MBOAT1: variants seen among roughly 807,000 people sequenced by gnomAD.
MBOAT1 encodes membrane-bound glycerophospholipid O-acyltransferase 1.
MBOAT1 carries 67 observed loss-of-function variants against 64.4 expected under a neutral mutation model. The observed-to-expected ratio is 1.04, with a 90% confidence interval of 0.85 to 1.27. The LOEUF is 1.27. MBOAT1 is among the 50% of genes most tolerant of loss of function. The pLI is 0.00. For synonymous variants in MBOAT1, 229 were observed against 218.9 expected (o/e 1.05, Z -0.41); for missense variants, 563 against 604.6 (o/e 0.93, Z 0.72).
chr6:20,156,826 G>A (rs539235982), intron 1 of MBOAT1, among the ~76,000 whole-genome samples: 1 of 152,244 alleles, frequency 6.6e-6, no homozygotes, highest in East Asian at 1.9e-4. Flanking sequence ...TCAGCTTAAG[G>A]AGATTTTGGG....
chr6:20,178,267 C>T (rs1198237786), intron 1 of MBOAT1, among the ~76,000 whole-genome samples: 1 of 152,130 alleles, frequency 6.6e-6, no homozygotes, highest in Admixed American at 6.6e-5. Context: ...TAAATTGGAC[C>T]ATTCCAAGTA....
intron 8 of MBOAT1, among the ~76,000 whole-genome samples, chr6:20,122,150 A>G (rs1760510474): frequency 6.6e-6 from 1 of 152,150 alleles, no homozygotes; most frequent in African/African-American, 2.4e-5. Context: ...GGGTGACAAG[A>G]GCGAAACTCC....
intron 1 of MBOAT1, among the ~76,000 whole-genome samples, chr6:20,181,681 C>T (rs1762514431): frequency 1.3e-5 from 2 of 152,302 alleles, no homozygotes; most frequent in South Asian, 4.1e-4. Context: ...GCCTCGGTGC[C>T]CACGCGTGTG....
At chr6:20,103,273 T>G (rs1358541658) in intron 12 of MBOAT1, among the ~76,000 whole-genome samples, 1 of 152,168 alleles carries the variant, frequency 6.6e-6, no homozygotes, top group Non-Finnish European at 1.5e-5. Context: ...TGATCTTGTG[T>G]AGCCTAGGCT....
chr6:20,149,125 C>T, intron 3 of MBOAT1, among the ~76,000 whole-genome samples: 1 of 142,236 alleles, frequency 7.0e-6, no homozygotes, highest in South Asian at 2.3e-4. Flanking sequence ...AAAAACCAAA[C>T]AAAAAAAGGA....
At chr6:20,106,031 A>G (rs1322191301) in intron 12 of MBOAT1, among the ~76,000 whole-genome samples, 1 of 152,222 alleles carries the variant, frequency 6.6e-6, no homozygotes, top group Non-Finnish European at 1.5e-5. Context: ...ACGAAGTACA[A>G]GTGAAATTTC....
intron 1 of MBOAT1, among the ~76,000 whole-genome samples, chr6:20,160,156 T>A (rs1379118802): frequency 1.3e-5 from 2 of 152,168 alleles, no homozygotes; most frequent in African/African-American, 2.4e-5. Flanking sequence ...CAAACCACAA[T>A]CAAACTGTGC....
chr6:20,102,326 G>A lies in MBOAT1; in HGVS notation c.1448C>T (p.Pro483Leu), dbSNP rs1302009901. The change falls in exon 13 of 13, where the codon CCT becomes CTT. Residue 483 changes from proline to leucine, a missense_variant. By Grantham distance (98) the Pro-to-Leu change is moderately conservative (BLOSUM62 -3). Transcript: ENST00000324607. ...MKPQAHTQRRPQTLNSINKRK... is the reference protein window; with the variant it reads ...MKPQAHTQRRLQTLNSINKRK... ...CTTATTAATAGAGTTCAGAGTCTGA[G>A]GCCGCCTTTGCGTATGAGCTTGTGG... 1 of 1,614,044 alleles carries A rather than the reference G, an allele frequency of 6.2e-7. No homozygotes were observed. Among genetic ancestry groups the A allele is most frequent in the East Asian group, 2.2e-5 (1 of 44,866 alleles).
Position 20,212,386 on chromosome 6 carries a change from C to A in MBOAT1, c.-152G>T. 1 of 667,458 alleles carries A rather than the reference C, an allele frequency of 1.5e-6. No homozygotes were observed. The highest frequency in any genetic ancestry group is 2.9e-5 in the Admixed American group (1 of 34,404). The allele number at this position is 667,458 out of a possible 1,614,324, so 41.3% of individuals were successfully genotyped here. A position where few individuals can be genotyped will look rare whatever the true frequency, so the allele number is the denominator to read the frequency against. On this transcript the variant is annotated 5_prime_UTR_variant, in exon 1 of 13. Transcript: ENST00000324607. ...GAACGGGAGGCCGGGGAATGCGAAC[C>A]GGCGCAAACTCTCGAGGCGCAAACT... is the stretch of plus-strand genomic sequence containing the variant.
At chr6:20,140,508 T>C (rs760259698) in intron 4 of MBOAT1, among the ~76,000 whole-genome samples, 63 of 152,182 alleles carry the variant, frequency 4.1e-4, no homozygotes, top group Non-Finnish European at 7.6e-4. Flanking sequence ...AAGACGATCA[T>C]CCAATCCTTA....
intron 1 of MBOAT1, 53 bp downstream of exon 1, chr6:20,212,083 G>A (rs2113784552): frequency 6.5e-7 from 1 of 1,544,732 alleles, no homozygotes. Context: ...CGCCCGCCCC[G>A]TGCACGCGAT....
intron 4 of MBOAT1, among the ~76,000 whole-genome samples, chr6:20,134,384 A>G (rs999158497): frequency 2.0e-5 from 3 of 152,204 alleles, no homozygotes; most frequent in Non-Finnish European, 2.9e-5. Flanking sequence ...TTATAGAAAA[A>G]AAAAAATAGA....
At chr6:20,170,008 T>C (rs1483788561) in intron 1 of MBOAT1, among the ~76,000 whole-genome samples, 1 of 152,170 alleles carries the variant, frequency 6.6e-6, no homozygotes, top group African/African-American at 2.4e-5. Flanking sequence ...CCTCTGACAC[T>C]GCACATTACT....
intron 7 of MBOAT1, among the ~76,000 whole-genome samples, chr6:20,124,825 A>G (rs1472154509): frequency 6.6e-6 from 1 of 152,234 alleles, no homozygotes; most frequent in Non-Finnish European, 1.5e-5. Context: ...GGTTGAATGT[A>G]TCTAGACTGG....
intron 11 of MBOAT1, among the ~76,000 whole-genome samples, 153 bp from the exon 12 acceptor site, chr6:20,109,902 CT>C (rs1158455991): frequency 0.079 from 7,392 of 93,002 alleles, 70 homozygotes; most frequent in East Asian, 0.12. Context: ...ACCATCAGGA[CT>C]TTTTTTTTTT....
chr6:20,136,806 T>A (rs1057174160), intron 4 of MBOAT1, among the ~76,000 whole-genome samples: 1 of 152,250 alleles, frequency 6.6e-6, no homozygotes, highest in Non-Finnish European at 1.5e-5. Context: ...TATAGTAATA[T>A]AAAAGAGTAG....
intron 1 of MBOAT1, among the ~76,000 whole-genome samples, chr6:20,195,287 A>C (rs1159244760): frequency 1.3e-5 from 2 of 152,026 alleles, no homozygotes; most frequent in African/African-American, 4.8e-5. Context: ...TCCATAATCG[A>C]ATGCTTTTTT....
At chr6:20,208,185 T>C (rs1312663239) in intron 1 of MBOAT1, among the ~76,000 whole-genome samples, 4 of 152,022 alleles carry the variant, frequency 2.6e-5, no homozygotes, top group Non-Finnish European at 4.4e-5. Flanking sequence ...TGGTGGCTCA[T>C]GCCTGTAATC....
intron 3 of MBOAT1, among the ~76,000 whole-genome samples, chr6:20,145,998 A>G (rs1761315082): frequency 6.6e-6 from 1 of 152,200 alleles, no homozygotes; most frequent in South Asian, 2.1e-4. Context: ...TTATTTGTGT[A>G]TGTGTCTGTT....
Sources: gnomAD v4.1 joint callset for allele counts (sites outside exome capture counted in the v4.1 genomes callset) on GRCh38, gnomAD v4.1.1 for gene constraint, MANE v1.5 for transcripts, NCBI Gene and HGNC (gene_info 2026-07-23, HGNC 2026-07-21) for gene names.